Variants in MYO10 observed in about 807,000 individuals in gnomAD.
MYO10 encodes the protein unconventional myosin-X.
MYO10 carries 133 observed loss-of-function variants against 257.3 expected under a neutral mutation model. The ratio of observed to expected loss-of-function variants is 0.52; its 90% CI spans 0.45 to 0.60. The LOEUF (loss-of-function observed/expected upper bound fraction) is 0.60, where lower values mean the gene tolerates loss of function less well. Among genes scored for constraint, MYO10 ranks in the 20% least tolerant of loss-of-function variants. The probability of loss-of-function intolerance (pLI) is 0.00; values close to 1 mark genes in which losing one functional copy is unlikely to be tolerated. For missense variants in MYO10, 2,399 were observed against 2,635.7 expected, an observed-to-expected ratio of 0.91 and a Z score of 1.97; for synonymous variants, 1,104 against 1,028.6, an observed-to-expected ratio of 1.07 and a Z score of -1.40.
chr5:16,877,672 A>T lies in MYO10; in HGVS notation c.57T>A (p.His19Gln), dbSNP rs775576088. ...CACAGGAATTTACAGTACTTGGAAAATGCTGGCCATTTTCTCTCAGCCAGA... is the reference window on the plus strand; with the variant it reads ...CACAGGAATTTACAGTACTTGGAAATTGCTGGCCATTTTCTCTCAGCCAGA... ...TRVWLRENGQ[H>Q]FPSTVNSCAE... Residue 19 changes from histidine (H) to glutamine (Q), a missense_variant, in exon 2 of 41, where the codon CAT becomes CAA. This residue lies in a region of MYO10 where 242 missense variants were observed against 249.5 expected (regional missense o/e 0.97). Coordinates refer to ENST00000513610, the MANE Select transcript of MYO10 (RefSeq NM_012334.3). 1.2e-6 allele frequency: 2 copies of T among 1,613,776 alleles called. No individual in the cohort carries two copies. The highest frequency in any genetic ancestry group is 1.7e-6 in the Non-Finnish European group (2 of 1,179,838).
intron 1 of MYO10, among the ~76,000 whole-genome samples, chr5:16,906,119 ACTCCTGCCTGGC>A (rs1745511385): frequency 6.6e-6 from 1 of 152,080 alleles, no homozygotes; most frequent in Non-Finnish European, 1.5e-5. Flanking sequence ...CTTGAAGGCA[ACTCCTGCCTGGC>A]AGGACGGCTG....
chr5:16,813,310 AG>A (rs796738185), intron 3 of MYO10, among the ~76,000 whole-genome samples: 83 of 152,334 alleles, frequency 5.4e-4, no homozygotes, highest in African/African-American at 1.9e-3. Context: ...ACTTGAGCCC[AG>A]GAGTTCAAGA....
At chr5:16,848,984 T>G (rs990707048) in intron 2 of MYO10, among the ~76,000 whole-genome samples, 13 of 152,144 alleles carry the variant, frequency 8.5e-5, no homozygotes, top group Admixed American at 2.0e-4. Context: ...GAAACAGGGT[T>G]TCCCTCTGTT....
chr5:16,868,616 A>AG (rs1295320392), intron 2 of MYO10, among the ~76,000 whole-genome samples: 1 of 152,104 alleles, frequency 6.6e-6, no homozygotes, highest in African/African-American at 2.4e-5. Flanking sequence ...AAAAAAAAAA[A>AG]AAATTCTGCT....
At chr5:16,681,222 C>T (rs1202415470) in intron 32 of MYO10, 87 bp downstream of exon 32, 3 of 1,364,102 alleles carry the variant, frequency 2.2e-6, no homozygotes, top group Non-Finnish European at 3.0e-6. Context: ...ATAAAGTACA[C>T]ACTAGGAAGG....
Position 16,709,298 on chromosome 5 carries a change from G to T in MYO10, c.2169+1610C>A, listed in dbSNP as rs1482520228. ...CCAGGCAGAGAGACCTATCACCTGC[G>T]GGGGGCACACCCTCAGGTGGCCCCC... On this transcript the variant is annotated intron_variant, in intron 21 of 40. Coordinates refer to ENST00000513610, the MANE Select transcript of MYO10 (RefSeq NM_012334.3). 2.0e-5 allele frequency among the ~76,000 whole-genome samples: 3 copies of T among 152,098 alleles called. No homozygotes were observed. The South Asian group carries it at 6.2e-4, about 32-fold the overall frequency.
At chr5:16,669,056 A>G (rs1022745651) in intron 39 of MYO10, among the ~76,000 whole-genome samples, 1 of 152,094 alleles carries the variant, frequency 6.6e-6, no homozygotes, top group African/African-American at 2.4e-5. Context: ...GATTGGTGGA[A>G]GAAAATAAGA....
intron 19 of MYO10, among the ~76,000 whole-genome samples, chr5:16,726,646 C>G (rs1739377338): frequency 1.3e-5 from 2 of 152,138 alleles, no homozygotes; most frequent in Non-Finnish European, 2.9e-5. Context: ...AGGGGGAGTT[C>G]CTGTAGTTCC....
intron 2 of MYO10, among the ~76,000 whole-genome samples, chr5:16,868,475 C>T (rs891500517): frequency 6.6e-6 from 1 of 152,096 alleles, no homozygotes; most frequent in Non-Finnish European, 1.5e-5. Flanking sequence ...GTGGTGGCAC[C>T]TGCCTGTAGT....
At chr5:16,801,471 C>G (rs1742118971) in intron 3 of MYO10, among the ~76,000 whole-genome samples, 1 of 152,128 alleles carries the variant, frequency 6.6e-6, no homozygotes, top group Non-Finnish European at 1.5e-5. Flanking sequence ...ATCAGCCTCC[C>G]AAAGTGCTGG....
chr5:16,797,798 T>C (rs552487868), intron 3 of MYO10, among the ~76,000 whole-genome samples: 3 of 152,236 alleles, frequency 2.0e-5, no homozygotes, highest in Non-Finnish European at 4.4e-5. Context: ...GAATGACTGC[T>C]TCACTGGTAC....
intron 1 of MYO10, among the ~76,000 whole-genome samples, chr5:16,905,056 A>C (rs917127926): frequency 6.6e-6 from 1 of 152,240 alleles, no homozygotes; most frequent in Non-Finnish European, 1.5e-5. Context: ...AAACTATATC[A>C]GAACAACCCA....
At chr5:16,729,553 A>G (rs1355328859) in intron 19 of MYO10, among the ~76,000 whole-genome samples, 2 of 150,042 alleles carry the variant, frequency 1.3e-5, no homozygotes, top group Non-Finnish European at 3.0e-5. Context: ...CCGGGTTCAC[A>G]CCATTCTCCT....
At chr5:16,676,648 G>A (rs149139248) in intron 33 of MYO10, among the ~76,000 whole-genome samples, 2,930 of 152,208 alleles carry the variant, frequency 0.019, 44 homozygotes, top group South Asian at 0.047. Flanking sequence ...CCCGGGAGGC[G>A]GAGGTTGCAG....
chr5:16,824,544 T>G (rs1742945516), intron 2 of MYO10, among the ~76,000 whole-genome samples: 1 of 152,140 alleles, frequency 6.6e-6, no homozygotes, highest in South Asian at 2.1e-4. Context: ...AATAAGCCAA[T>G]GCCTGTAAGT....
chr5:16,818,287 C>A, intron 2 of MYO10, 120 bp from the exon 3 acceptor site: 1 of 900,664 alleles, frequency 1.1e-6, no homozygotes, highest in Non-Finnish European at 1.6e-6. Context: ...CTAAATTGGA[C>A]AATCAAAAAT....
chr5:16,900,779 G>A (rs926898479), intron 1 of MYO10, among the ~76,000 whole-genome samples: 9 of 137,994 alleles, frequency 6.5e-5, no homozygotes, highest in African/African-American at 1.1e-4. Flanking sequence ...TTGCTCTGTC[G>A]CCCAGGCTGG....
At chr5:16,931,556 C>G (rs552953098) in intron 1 of MYO10, among the ~76,000 whole-genome samples, 47 of 152,248 alleles carry the variant, frequency 3.1e-4, no homozygotes, top group Non-Finnish European at 2.9e-5. Flanking sequence ...CCCAGCCAGA[C>G]AGCTTATTGC....
chr5:16,821,443 CTTTTTTTTTTTTTTTTTTTTTTTTTTTTT>C (rs571931909), intron 2 of MYO10, among the ~76,000 whole-genome samples: 1 of 70,236 alleles, frequency 1.4e-5, no homozygotes, highest in Non-Finnish European at 2.5e-5. Flanking sequence ...CTCCTATTTT[CTTTTTTTTTTTTTTTTTTTTTTTTTTTTT>C]TTTTTTTTTT....
Sources: gnomAD v4.1 joint callset for allele counts (sites outside exome capture counted in the v4.1 genomes callset) on GRCh38, gnomAD v4.1.1 for gene constraint, gnomAD v4.1.1 regional missense constraint, MANE v1.5 for transcripts, NCBI Gene and HGNC (gene_info 2026-07-23, HGNC 2026-07-21) for gene names.